The following PCDHGA6 variants were observed in gnomAD, a reference collection of about 807,000 sequenced individuals.
The protein encoded by PCDHGA6 is protocadherin gamma-A6.
A neutral mutation model predicts 60.6 loss-of-function variants in PCDHGA6; 41 were observed. That is an observed-to-expected ratio of 0.68 (90% confidence interval 0.53 to 0.88). PCDHGA6 has a LOEUF of 0.88. Among genes scored for constraint, PCDHGA6 ranks in the 40% least tolerant of loss-of-function variants. The pLI is 0.00. For missense variants in PCDHGA6, 1,312 were observed against 1,203.0 expected (o/e 1.09, Z -1.34); for synonymous variants, 594 against 524.4 (o/e 1.13, Z -1.81).
intron 1 of PCDHGA6, among the ~76,000 whole-genome samples, chr5:141,472,145 A>G (rs1376068421): frequency 6.6e-6 from 1 of 152,244 alleles, no homozygotes; most frequent in Non-Finnish European, 1.5e-5. Flanking sequence ...TAAAAGTTTC[A>G]TGGTTACATA....
At chr5:141,466,871 T>C (rs1432611218) in intron 1 of PCDHGA6, among the ~76,000 whole-genome samples, 2 of 152,166 alleles carry the variant, frequency 1.3e-5, no homozygotes, top group African/African-American at 4.8e-5. Flanking sequence ...ATCCACACAT[T>C]TTTTTCATAA....
At chr5:141,435,821 T>C (rs571444304) in intron 1 of PCDHGA6, among the ~76,000 whole-genome samples, 72 of 152,240 alleles carry the variant, frequency 4.7e-4, no homozygotes, top group African/African-American at 1.6e-3. Context: ...CTTTCTTCTT[T>C]GTTTGCTGCC....
intron 1 of PCDHGA6, chr5:141,414,883 G>T: frequency 6.2e-7 from 1 of 1,614,176 alleles, no homozygotes; most frequent in Non-Finnish European, 8.5e-7. Context: ...CCTGTACCCC[G>T]CCCTCCCCAC....
In PCDHGA6 at chr5:141,491,623, G is replaced by C; in HGVS notation, c.2425-3184G>C. On this transcript the variant is annotated intron_variant, in intron 1 of 3. Coordinates refer to ENST00000517434, the MANE Select transcript of PCDHGA6 (RefSeq NM_018919.3). The surrounding 1 kb of genome is among the most constrained non-coding windows in gnomAD (Gnocchi z 6.9). ...CTTCACTTTTCTAAGACCCCTCAGC[G>C]TTCAGCAGCCCACAGCTCTGGCGCT... 1 of 1,613,930 alleles carries C rather than the reference G, an allele frequency of 6.2e-7. No individual in the cohort carries two copies. Among genetic ancestry groups the C allele is most frequent in the Non-Finnish European group, 8.5e-7 (1 of 1,180,020 alleles).
At chr5:141,417,710 TC>T (rs1471403767) in intron 1 of PCDHGA6, 1 of 1,249,228 alleles carries the variant, frequency 8.0e-7, no homozygotes, top group Non-Finnish European at 1.1e-6. Flanking sequence ...ACACAGAGGC[TC>T]CCGGCTGCGC....
intron 1 of PCDHGA6, chr5:141,405,588 G>T: frequency 1.7e-6 from 1 of 584,820 alleles, no homozygotes; most frequent in Non-Finnish European, 3.0e-6. Flanking sequence ...GGGACTACAG[G>T]CCTCCCAAGT....
At chr5:141,492,218 T>C (rs2099738354) in intron 1 of PCDHGA6, among the ~76,000 whole-genome samples, 1 of 152,114 alleles carries the variant, frequency 6.6e-6, no homozygotes. Flanking sequence ...GCGGGGCTCA[T>C]GCGTGTCCTC....
rs1471175480 is a variant in PCDHGA6 at position 141,374,798 on chromosome 5, A to C, written c.715A>C (p.Thr239Pro). 1.9e-6 allele frequency: 3 copies of C among 1,613,784 alleles called. No homozygotes were observed. Among genetic ancestry groups the C allele is most frequent in the Non-Finnish European group, 2.5e-6 (3 of 1,179,832 alleles). ...LVTVLDVNDN[T>P]PMFTQPVYRV... ...AACAGTTCTAGATGTGAATGACAAC[A>C]CTCCAATGTTTACTCAGCCTGTCTA... is the stretch of plus-strand genomic sequence containing the variant. Residue 239 changes from threonine (T) to proline (P), a missense_variant, in exon 1 of 4, where the codon ACT becomes CCT. Coordinates refer to ENST00000517434, the MANE Select transcript of PCDHGA6 (RefSeq NM_018919.3).
At position 141,381,559 on chromosome 5, in the gene PCDHGA6, A is replaced by G. The variant is rs547767768; in HGVS notation, c.2424+5052A>G. 3.2e-4 allele frequency among the ~76,000 whole-genome samples: 48 copies of G among 152,342 alleles called. No individual in the cohort carries two copies. In the Middle Eastern group the frequency reaches 0.01, roughly 32 times the overall value. ...AGGATGAAGACTTGAATTGAATTGC[A>G]TAATGAAAAGAATCAGCCAATCCAT... On this transcript the variant is annotated intron_variant, in intron 1 of 3. Transcript: ENST00000517434.
intron 1 of PCDHGA6, chr5:141,422,833 C>G (rs2096676817): frequency 6.2e-7 from 1 of 1,614,106 alleles, no homozygotes; most frequent in African/African-American, 1.3e-5. Flanking sequence ...AGTGATAGCA[C>G]GTGACAGCGG....
intron 1 of PCDHGA6, chr5:141,377,280 AT>A (rs1037514714): frequency 2.0e-5 from 3 of 151,272 alleles, no homozygotes; most frequent in East Asian, 1.9e-4. Context: ...GGGAAAAAAA[AT>A]AACCTTAATT....
chr5:141,402,357 G>C (rs1486286220), intron 1 of PCDHGA6, among the ~76,000 whole-genome samples: 1 of 151,812 alleles, frequency 6.6e-6, no homozygotes, highest in Non-Finnish European at 1.5e-5. Flanking sequence ...AAAAATGAAT[G>C]TACTTCCAAA....
chr5:141,399,427 G>A (rs1049477252), intron 1 of PCDHGA6: 2 of 1,613,842 alleles, frequency 1.2e-6, no homozygotes, highest in African/African-American at 2.7e-5. Context: ...CAGCATAAGC[G>A]TCATCCTACA....
At chr5:141,413,775 G>T in intron 1 of PCDHGA6, 1 of 1,612,878 alleles carries the variant, frequency 6.2e-7, no homozygotes, top group South Asian at 1.1e-5. Context: ...AGCTGGTACT[G>T]GAGCACTCCC....
chr5:141,395,124 C>T, intron 1 of PCDHGA6: 2 of 1,614,194 alleles, frequency 1.2e-6, no homozygotes, highest in Non-Finnish European at 1.7e-6. Context: ...CCTGATCTTT[C>T]CCCAGCCCAA....
chr5:141,490,445 A>G lies in PCDHGA6; in HGVS notation c.2425-4362A>G, dbSNP rs2099700298. 6.2e-7 allele frequency: 1 copy of G among 1,614,022 alleles called. No individual in the cohort carries two copies. The highest frequency in any genetic ancestry group is 8.5e-7 in the Non-Finnish European group (1 of 1,180,030). ...CCATTTCAGATTAAGCCTTCTGAGA[A>G]CCACTACTCGCTGCTAACCAGCCAG... On this transcript the variant is annotated intron_variant, in intron 1 of 3. Coordinates refer to ENST00000517434, the MANE Select transcript of PCDHGA6 (RefSeq NM_018919.3). The surrounding 1 kb of genome is among the most constrained non-coding windows in gnomAD (Gnocchi z 5.4).
chr5:141,385,067 G>A (rs963028251), intron 1 of PCDHGA6: 3 of 1,614,158 alleles, frequency 1.9e-6, no homozygotes, highest in Non-Finnish European at 2.5e-6. Flanking sequence ...CACAAGTCAC[G>A]CCTGCTGCAG....
rs889945954 is a variant in PCDHGA6, at chr5:141,489,368, C to A, written c.2425-5439C>A. The A allele has an allele frequency of 2.5e-6, 4 of 1,613,384 alleles. No homozygotes were observed. Among genetic ancestry groups the A allele is most frequent in the Non-Finnish European group, 3.4e-6 (4 of 1,179,478 alleles). On this transcript the variant is annotated intron_variant, in intron 1 of 3. Coordinates refer to ENST00000517434, the MANE Select transcript of PCDHGA6 (RefSeq NM_018919.3). The surrounding 1 kb of genome is among the most constrained non-coding windows in gnomAD (Gnocchi z 4.5). ...GTGGTGGAGGAGTCTGAGCCGGGGA[C>A]GCTGGTGGGGAATGTTGCTCAGGAT...
At chr5:141,384,808 G>A in intron 1 of PCDHGA6, 3 of 1,613,484 alleles carry the variant, frequency 1.9e-6, no homozygotes, top group Non-Finnish European at 2.5e-6. Flanking sequence ...GGACAGAGAT[G>A]CCCTCAAGCA....
Sources: allele counts gnomAD v4.1 joint callset (sites outside exome capture counted in the v4.1 genomes callset), GRCh38; gene constraint gnomAD v4.1.1; non-coding constraint Gnocchi (gnomAD v3.1); transcripts MANE v1.5; gene names NCBI Gene and HGNC (gene_info 2026-07-23, HGNC 2026-07-21).